Variants in VAPA observed in about 807,000 individuals in gnomAD.
VAPA encodes the protein vesicle-associated membrane protein-associated protein A.
In VAPA, 6 loss-of-function variants were observed where a neutral mutation model predicts 25.6. The ratio of observed to expected loss-of-function variants is 0.23; its 90% CI spans 0.13 to 0.46. The LOEUF (loss-of-function observed/expected upper bound fraction) is 0.46. Among genes scored for constraint, VAPA ranks in the 20% least tolerant of loss-of-function variants. The pLI is 0.99. For synonymous variants in VAPA, 112 were observed against 106.2 expected (o/e 1.05, Z -0.34); for missense variants, 244 against 302.1 (o/e 0.81, Z 1.43).
chr18:9,950,100 A>T, intron 4 of VAPA: 1 of 274,790 alleles, frequency 3.6e-6, no homozygotes, highest in South Asian at 4.4e-5. Flanking sequence ...TTTTAGGGGT[A>T]AATACAAAGA....
Position 9,914,201 on chromosome 18 carries a change from C to A in VAPA, c.-56C>A. The A allele has an allele frequency of 2.0e-6, 3 of 1,496,214 alleles. No homozygotes were observed. The highest frequency in any genetic ancestry group is 2.7e-6 in the Non-Finnish European group (3 of 1,107,036). 92.7% of individuals were successfully genotyped at this position (1,496,214 alleles called of 1,614,324 possible). A position where few individuals can be genotyped will look rare whatever the true frequency, so the allele number is the denominator to read the frequency against. ...GAGCCGTCGCCGCCGTCGTCCCCCGCCCCCAGTCAGCAAACCGCCGCCGCG... is the reference window on the plus strand; with the variant it reads ...GAGCCGTCGCCGCCGTCGTCCCCCGACCCCAGTCAGCAAACCGCCGCCGCG... On this transcript the variant is annotated 5_prime_UTR_variant, in exon 1 of 6. Coordinates refer to ENST00000400000, the MANE Select transcript of VAPA (RefSeq NM_194434.3).
intron 4 of VAPA, among the ~76,000 whole-genome samples, chr18:9,939,319 A>G (rs989248170): frequency 6.6e-5 from 10 of 151,728 alleles, no homozygotes; most frequent in Admixed American, 1.3e-4. Flanking sequence ...TTACAGGTGC[A>G]CGCCTGGCTA....
In VAPA at chr18:9,956,806, C is replaced by T. The variant is rs572158992; in HGVS notation, c.*2595C>T. 9.2e-5 allele frequency: 14 copies of T among 152,352 alleles called. No homozygotes were observed. Among genetic ancestry groups the T allele is most frequent in the African/African-American group, 3.4e-4 (14 of 41,560 alleles). The allele number at this position is 152,352 out of a possible 1,614,324, so 9.4% of individuals were successfully genotyped here. The stretch of plus-strand genomic sequence containing the variant: ...TAAGCATGAGGGAAATACACTGTTG[C>T]TAATACTGAAATTACAATCAAGTAA... On this transcript the variant is annotated 3_prime_UTR_variant, in exon 6 of 6. Transcript: ENST00000400000.
At chr18:9,919,779 G>T (rs1036291148) in intron 1 of VAPA, among the ~76,000 whole-genome samples, 1 of 152,218 alleles carries the variant, frequency 6.6e-6, no homozygotes, top group African/African-American at 2.4e-5. Flanking sequence ...GGGTTTTTAA[G>T]TGAGGGGAGG....
intron 2 of VAPA, among the ~76,000 whole-genome samples, chr18:9,932,894 G>A (rs1169241701): frequency 6.6e-6 from 1 of 152,010 alleles, no homozygotes; most frequent in Non-Finnish European, 1.5e-5. Flanking sequence ...GGATCACGAC[G>A]TCAGGAGTTC....
chr18:9,918,283 A>G lies in VAPA; in HGVS notation c.79+3948A>G, dbSNP rs1399706085. On this transcript the variant is annotated intron_variant, in intron 1 of 5. Coordinates refer to ENST00000400000, the MANE Select transcript of VAPA (RefSeq NM_194434.3). ...TGATTTTAAAAACAAATGAGCAGACATGTACTTCTTTGACCATAACTCTTT... is the reference window on the plus strand; with the variant it reads ...TGATTTTAAAAACAAATGAGCAGACGTGTACTTCTTTGACCATAACTCTTT... 5.9e-5 allele frequency among the ~76,000 whole-genome samples: 9 copies of G among 152,220 alleles called. No individual in the cohort carries two copies. The East Asian group carries it at 1.7e-3, about 29-fold the overall frequency.
intron 1 of VAPA, among the ~76,000 whole-genome samples, chr18:9,928,659 CAT>C (rs937901644): frequency 3.3e-4 from 50 of 152,168 alleles, no homozygotes; most frequent in African/African-American, 1.1e-3. Flanking sequence ...AAATGACCAA[CAT>C]ATGTAATTAA....
Position 9,955,458 on chromosome 18 carries a change from A to G in VAPA, c.*1247A>G, listed in dbSNP as rs758571209. 6 of 152,256 alleles carry G rather than the reference A, an allele frequency of 3.9e-5. No homozygotes were observed. Among genetic ancestry groups the G allele is most frequent in the Non-Finnish European group, 8.8e-5 (6 of 68,040 alleles). 9.4% of individuals were successfully genotyped at this position (152,256 alleles called of 1,614,324 possible). ...GGTTTGTCCTATTCTTCATTTATTC[A>G]TACTAGGATAGAAAATTTTGGAATC... is the stretch of plus-strand genomic sequence containing the variant. On this transcript the variant is annotated 3_prime_UTR_variant, in exon 6 of 6. Coordinates refer to ENST00000400000, the MANE Select transcript of VAPA (RefSeq NM_194434.3).
chr18:9,945,877 G>A (rs1447024749), intron 4 of VAPA, among the ~76,000 whole-genome samples: 2 of 152,054 alleles, frequency 1.3e-5, no homozygotes, highest in East Asian at 3.8e-4. Flanking sequence ...CTTAAATCCT[G>A]TCTCTTAATT....
chr18:9,946,930 A>AT (rs35257619), intron 4 of VAPA, among the ~76,000 whole-genome samples: 1 of 152,154 alleles, frequency 6.6e-6, no homozygotes, highest in South Asian at 2.1e-4. Context: ...GCCTTTTTCT[A>AT]TTTTTTAAAT....
chr18:9,944,834 A>C, intron 4 of VAPA: 1 of 1,465,584 alleles, frequency 6.8e-7, no homozygotes, highest in South Asian at 1.3e-5. Context: ...TTTAGAGCCT[A>C]ATGCTTTCTG....
chr18:9,926,582 C>T (rs190974673), intron 1 of VAPA, among the ~76,000 whole-genome samples: 12 of 152,196 alleles, frequency 7.9e-5, no homozygotes, highest in Non-Finnish European at 1.8e-4. Flanking sequence ...TGTTGTTTTC[C>T]TTGCCCTCCT....
In VAPA at chr18:9,950,399, A is replaced by G. The variant is rs2069476486; in HGVS notation, c.422A>G (p.Asp141Gly). The G allele has an allele frequency of 1.2e-6, 2 of 1,613,062 alleles. No individual in the cohort carries two copies. Among genetic ancestry groups the G allele is most frequent in the Non-Finnish European group, 1.7e-6 (2 of 1,179,690 alleles). The change falls in exon 5 of 6, where the codon GAT becomes GGT. Residue 141 changes from aspartate (D) to glycine (G), a missense_variant. By Grantham distance (94) the Asp-to-Gly change is moderately conservative (BLOSUM62 -1). Around this residue, in one of 2 missense-constraint regions of VAPA, gnomAD observed 145 missense variants for 140.6 expected, o/e 1.03. Transcript: ENST00000400000. ...EMPNENDKLNDMEPSKAVPLN... is the reference protein window; with the variant it reads ...EMPNENDKLNGMEPSKAVPLN... ...CCCAATATCTTTGTAATGCAGAATG[A>G]TATGGAACCTAGCAAAGCTGTTCCA...
chr18:9,927,042 C>T (rs553825245), intron 1 of VAPA, among the ~76,000 whole-genome samples: 9 of 152,018 alleles, frequency 5.9e-5, no homozygotes. Context: ...TTCTGAAATG[C>T]TCTGTGTGAT....
intron 1 of VAPA, among the ~76,000 whole-genome samples, chr18:9,927,279 T>C (rs1339672594): frequency 1.3e-5 from 2 of 152,132 alleles, no homozygotes; most frequent in African/African-American, 4.8e-5. Context: ...TATGAGTGTT[T>C]ATATAATTAT....
In VAPA at chr18:9,931,954, C is replaced by A; in HGVS notation, c.224C>A (p.Thr75Asn). ...SGIIDPGSTV[T>N]VSVMLQPFDY... Reference sequence around the variant, plus strand: ...ATTATTGACCCAGGGTCAACTGTGACTGTTTCAGGTAGCAAATCATGTTCT... The same window carrying A: ...ATTATTGACCCAGGGTCAACTGTGAATGTTTCAGGTAGCAAATCATGTTCT... The change falls in exon 2 of 6, where the codon ACT becomes AAT. Residue 75 changes from threonine to asparagine, a missense_variant. By Grantham distance (65) the Thr-to-Asn change is moderately conservative. Transcript: ENST00000400000. 1 of 1,592,526 alleles carries A rather than the reference C, an allele frequency of 6.3e-7. No homozygotes were observed. The highest frequency in any genetic ancestry group is 8.5e-7 in the Non-Finnish European group (1 of 1,169,794).
chr18:9,939,526 T>G (rs969272656), intron 4 of VAPA, among the ~76,000 whole-genome samples: 2 of 151,894 alleles, frequency 1.3e-5, no homozygotes, highest in African/African-American at 4.8e-5. Flanking sequence ...CTCTTTTTTT[T>G]TTTTTTTTGC....
At chr18:9,932,277 G>A (rs1385867972) in intron 2 of VAPA, among the ~76,000 whole-genome samples, 3 of 151,950 alleles carry the variant, frequency 2.0e-5, no homozygotes, top group Non-Finnish European at 2.9e-5. Flanking sequence ...TTTTCTGATG[G>A]GTCATTCTCC....
In VAPA at chr18:9,950,576, CT is replaced by C. The variant is rs746752191; in HGVS notation, c.591+9del. ...GAAAATCGGCACCTGAGAGTAAGTT[CT>C]GTTGGTTGAAAATAAATTGATTGAA... On this transcript the variant is annotated intron_variant, in intron 5 of 5. Coordinates refer to ENST00000400000, the MANE Select transcript of VAPA (RefSeq NM_194434.3). 1.9e-6 allele frequency: 3 copies of C among 1,607,470 alleles called. No homozygotes were observed. Among genetic ancestry groups the C allele is most frequent in the Non-Finnish European group, 2.5e-6 (3 of 1,178,362 alleles).
Sources: gnomAD v4.1 joint callset for allele counts (sites outside exome capture counted in the v4.1 genomes callset) on GRCh38, gnomAD v4.1.1 for gene constraint, gnomAD v4.1.1 regional missense constraint, MANE v1.5 for transcripts, NCBI Gene and HGNC (gene_info 2026-07-23, HGNC 2026-07-21) for gene names.